The following KIF9 variants were observed in gnomAD, a reference collection of about 807,000 sequenced individuals.
KIF9 encodes the protein kinesin-like protein KIF9.
A neutral mutation model predicts 94.8 loss-of-function variants in KIF9; 68 were observed. The ratio of observed to expected loss-of-function variants is 0.72; its 90% CI spans 0.59 to 0.88. The LOEUF is 0.88. Among genes scored for constraint, KIF9 ranks in the 40% least tolerant of loss-of-function variants. The probability of loss-of-function intolerance (pLI) is 0.00; values close to 1 mark genes in which losing one functional copy is unlikely to be tolerated. For missense variants in KIF9, 882 were observed against 982.5 expected (o/e 0.90, Z 1.37); for synonymous variants, 343 against 362.1 (o/e 0.95, Z 0.60).
Position 47,275,414 on chromosome 3 carries a change from A to T in KIF9, c.170T>A (p.Leu57Ter). The change falls in exon 3 of 21, where the codon TTG becomes TAG. Residue 57 changes from leucine (L) to a stop codon, truncating the protein, a stop_gained. Coordinates refer to ENST00000684063, the MANE Select transcript of KIF9 (RefSeq NM_182902.4). LOFTEE classifies it high-confidence loss of function. ...GGAGGCATCGTGAAGAACTCCATCC[A>T]ACTTAAACGACCAGTCTGTCTGTTG... ...NNQQTDWSFK[L>*]DGVLHDASQD... The T allele has an allele frequency of 1.2e-6, 2 of 1,613,792 alleles. No individual in the cohort carries two copies. Among genetic ancestry groups the T allele is most frequent in the Non-Finnish European group, 1.7e-6 (2 of 1,179,716 alleles).
At chr3:47,261,919 A>G (rs1700999595) in intron 9 of KIF9, among the ~76,000 whole-genome samples, 1 of 152,258 alleles carries the variant, frequency 6.6e-6, no homozygotes, top group African/African-American at 2.4e-5. Flanking sequence ...GTGTCACTGC[A>G]TAAAGCAATA....
At chr3:47,248,449 CT>C (rs1474280393) in intron 10 of KIF9, among the ~76,000 whole-genome samples, 3 of 148,988 alleles carry the variant, frequency 2.0e-5, no homozygotes, top group African/African-American at 4.9e-5. Flanking sequence ...AGAATGCTTT[CT>C]TTTTTTTTTG....
At chr3:47,230,639 G>A (rs1269863377) in intron 20 of KIF9, among the ~76,000 whole-genome samples, 1 of 152,034 alleles carries the variant, frequency 6.6e-6, no homozygotes, top group Non-Finnish European at 1.5e-5. Flanking sequence ...GCCGAGGAAG[G>A]AGAATCGCTT....
intron 9 of KIF9, 172 bp downstream of exon 9, chr3:47,264,114 G>A (rs927703868): frequency 1.6e-6 from 1 of 606,518 alleles, no homozygotes; most frequent in Non-Finnish European, 3.1e-6. Context: ...TTGGTGTGTG[G>A]ATCCTAGCTC....
chr3:47,267,021 A>C lies in KIF9; in HGVS notation c.723T>G (p.Ile241Met), dbSNP rs766052694. 5.0e-6 allele frequency: 8 copies of C among 1,613,862 alleles called. No individual in the cohort carries two copies. The highest frequency in any genetic ancestry group is 6.8e-6 in the Non-Finnish European group (8 of 1,179,994). The change falls in exon 7 of 21, where the codon ATT becomes ATG. Residue 241 changes from isoleucine (I) to methionine (M), a missense_variant. Coordinates refer to ENST00000684063, the MANE Select transcript of KIF9 (RefSeq NM_182902.4). ...LSEEKYITSK[I>M]NLVDLAGSER... ...CTGAGCCTGCCAGATCCACCAAGTTAATTTTGGAAGTGATGTACTTTTCCT... is the reference window on the plus strand; with the variant it reads ...CTGAGCCTGCCAGATCCACCAAGTTCATTTTGGAAGTGATGTACTTTTCCT...
chr3:47,250,443 A>G, intron 10 of KIF9: 2 of 230,436 alleles, frequency 8.7e-6, no homozygotes, highest in South Asian at 7.8e-5. Flanking sequence ...CAGGTATTCC[A>G]AGTGCTTTAA....
intron 5 of KIF9, among the ~76,000 whole-genome samples, chr3:47,267,728 G>A (rs1701374285): frequency 6.6e-6 from 1 of 152,042 alleles, no homozygotes; most frequent in African/African-American, 2.4e-5. Flanking sequence ...GCAGAATTCT[G>A]CTAATAAGAT....
At chr3:47,235,841 G>A (rs1698983201) in intron 19 of KIF9, among the ~76,000 whole-genome samples, 193 bp downstream of exon 19, 1 of 152,216 alleles carries the variant, frequency 6.6e-6, no homozygotes, top group African/African-American at 2.4e-5. Context: ...GGTGGCAGTA[G>A]TAAGAGTGGT....
intron 9 of KIF9, among the ~76,000 whole-genome samples, chr3:47,259,320 G>A (rs1376337241): frequency 6.6e-6 from 1 of 152,208 alleles, no homozygotes; most frequent in African/African-American, 2.4e-5. Context: ...TTTGTCCCCT[G>A]TATACACTTC....
chr3:47,236,374 C>T, intron 18 of KIF9, 69 bp downstream of exon 18: 3 of 1,543,920 alleles, frequency 1.9e-6, no homozygotes, highest in Non-Finnish European at 1.8e-6. Flanking sequence ...GCTTCCAGAA[C>T]TCAGGCTGTG....
chr3:47,256,708 A>G (rs1413038756), intron 10 of KIF9, among the ~76,000 whole-genome samples: 1 of 152,206 alleles, frequency 6.6e-6, no homozygotes, highest in Non-Finnish European at 1.5e-5. Context: ...AAAGGGGGGA[A>G]GGGTGGGGAA....
At chr3:47,267,806 T>G (rs866616734) in intron 5 of KIF9, among the ~76,000 whole-genome samples, 31 of 151,442 alleles carry the variant, frequency 2.0e-4, no homozygotes, top group East Asian at 1.9e-3. Flanking sequence ...GTTTTGTGGG[T>G]TTTTTTTAGT....
intron 10 of KIF9, among the ~76,000 whole-genome samples, chr3:47,251,712 G>A (rs955780727): frequency 2.3e-4 from 35 of 152,188 alleles, no homozygotes; most frequent in African/African-American, 8.4e-4. Context: ...TGCACATCAG[G>A]CTGTGGGGCA....
intron 2 of KIF9, chr3:47,276,962 T>G: frequency 6.3e-6 from 1 of 157,994 alleles, no homozygotes. Flanking sequence ...CCATGGGCGA[T>G]TATACAATGA....
chr3:47,276,048 A>G (rs1438438148), intron 2 of KIF9, among the ~76,000 whole-genome samples: 1 of 152,148 alleles, frequency 6.6e-6, no homozygotes, highest in Non-Finnish European at 1.5e-5. Flanking sequence ...TTAAGAGTAA[A>G]TTGAGGGTGT....
chr3:47,268,274 G>T (rs1576060669), intron 5 of KIF9, among the ~76,000 whole-genome samples: 1 of 152,300 alleles, frequency 6.6e-6, no homozygotes, highest in Non-Finnish European at 1.5e-5. Flanking sequence ...TGTAGAGACA[G>T]GGTGGTGGTG....
intron 10 of KIF9, among the ~76,000 whole-genome samples, chr3:47,257,139 T>TA (rs1372560772): frequency 2.0e-5 from 3 of 149,770 alleles, no homozygotes; most frequent in Non-Finnish European, 4.4e-5. Context: ...GAATGATCAA[T>TA]AAAAAAATAA....
chr3:47,277,232 A>C (rs1339047648), intron 2 of KIF9, 50 bp downstream of exon 2: 1 of 1,337,366 alleles, frequency 7.5e-7, no homozygotes, highest in East Asian at 2.3e-5. Flanking sequence ...CACTATAGCA[A>C]GGTGGGACAG....
chr3:47,246,389 A>G, intron 12 of KIF9, 137 bp from the exon 13 acceptor site: 3 of 501,726 alleles, frequency 6.0e-6, no homozygotes, highest in Non-Finnish European at 6.8e-6. Context: ...GTGTGCACAC[A>G]GCCTCTCAGC....
Sources: allele counts gnomAD v4.1 joint callset (sites outside exome capture counted in the v4.1 genomes callset), GRCh38; gene constraint gnomAD v4.1.1; transcripts MANE v1.5; gene names NCBI Gene and HGNC (gene_info 2026-07-23, HGNC 2026-07-21).